Variants in SDK1 observed in about 807,000 individuals in gnomAD.
SDK1 encodes sidekick cell adhesion molecule 1.
In SDK1, 157 loss-of-function variants were observed where a neutral mutation model predicts 245.5. The observed-to-expected ratio is 0.64, with a 90% CI of 0.56 to 0.73. SDK1 has a LOEUF of 0.73. Ranked by LOEUF, SDK1 falls within the 30% of genes least tolerant of loss-of-function variation. The pLI, the probability that SDK1 is intolerant of heterozygous loss-of-function variation, is 0.00. For synonymous variants in SDK1, 1,647 were observed against 1,278.5 expected, an observed-to-expected ratio of 1.29 and a Z score of -6.15; for missense variants, 3,583 against 3,002.3, an observed-to-expected ratio of 1.19 and a Z score of -4.52.
chr7:3,591,418 C>T (rs937384737), intron 1 of SDK1, among the ~76,000 whole-genome samples: 2 of 152,250 alleles, frequency 1.3e-5, no homozygotes, highest in East Asian at 3.8e-4. Flanking sequence ...GGGAGACCTT[C>T]CCATTATTAA....
chr7:4,063,205 A>G (rs568611378), intron 19 of SDK1, among the ~76,000 whole-genome samples: 2 of 152,190 alleles, frequency 1.3e-5, no homozygotes, highest in Non-Finnish European at 2.9e-5. Flanking sequence ...AAACAAACCT[A>G]GACTCCACCA....
rs975226020 is a variant in SDK1, at chr7:4,187,381, A to T, written c.5098+8795A>T. Among the ~76,000 whole-genome samples the T allele has an allele frequency of 2.0e-5, 3 of 152,224 alleles. No individual in the cohort carries two copies. The South Asian group carries it at 6.2e-4, about 31-fold the overall frequency. On this transcript the variant is annotated intron_variant, in intron 35 of 44. Transcript: ENST00000404826. The stretch of plus-strand genomic sequence containing the variant: ...CAACGTCTCCAATGCCTGCCTTGGG[A>T]TAAAACGCTAGAAGCAGAACTTCTG...
intron 4 of SDK1, among the ~76,000 whole-genome samples, chr7:3,645,485 G>A (rs996168208): frequency 2.6e-5 from 4 of 152,064 alleles, no homozygotes; most frequent in East Asian, 1.9e-4. Flanking sequence ...TTTATACATC[G>A]TCCAAAGACA....
intron 1 of SDK1, among the ~76,000 whole-genome samples, chr7:3,583,554 A>G (rs1213754398): frequency 1.3e-5 from 2 of 152,198 alleles, no homozygotes; most frequent in Non-Finnish European, 2.9e-5. Flanking sequence ...TTTCTTTATC[A>G]TTCACTGAGT....
chr7:3,451,145 G>C (rs906591603), intron 1 of SDK1, among the ~76,000 whole-genome samples: 1 of 152,114 alleles, frequency 6.6e-6, no homozygotes, highest in African/African-American at 2.4e-5. Context: ...AGGGCTGAGC[G>C]AGGGTGTGGG....
intron 14 of SDK1, among the ~76,000 whole-genome samples, chr7:3,992,369 G>A (rs1784393405): frequency 6.6e-6 from 1 of 152,196 alleles, no homozygotes; most frequent in African/African-American, 2.4e-5. Flanking sequence ...TGGTTCTCCT[G>A]TCCCAGGTGC....
chr7:3,613,924 G>T (rs71527454), intron 1 of SDK1, among the ~76,000 whole-genome samples: 1,920 of 152,286 alleles, frequency 0.013, 26 homozygotes, highest in Middle Eastern at 0.02. Context: ...GGTAAATGAT[G>T]AGAACACATG....
At chr7:3,528,029 G>A (rs1404579612) in intron 1 of SDK1, among the ~76,000 whole-genome samples, 2 of 150,474 alleles carry the variant, frequency 1.3e-5, no homozygotes, top group Admixed American at 1.3e-4. Context: ...AGTAATGTTG[G>A]ATGATAGTCA....
chr7:3,588,320 ATATT>A (rs1324403675), intron 1 of SDK1, among the ~76,000 whole-genome samples: 4 of 152,162 alleles, frequency 2.6e-5, no homozygotes, highest in East Asian at 1.9e-4. Flanking sequence ...TAGTCTGCAG[ATATT>A]TATTAAGTTT....
intron 35 of SDK1, among the ~76,000 whole-genome samples, chr7:4,182,341 C>G (rs191666722): frequency 1.2e-3 from 179 of 152,308 alleles, no homozygotes; most frequent in African/African-American, 4.2e-3. Flanking sequence ...GGGCTGCCTT[C>G]TCTCTAATGC....
At chr7:3,965,485 GT>G (rs1372715174) in intron 9 of SDK1, among the ~76,000 whole-genome samples, 1 of 152,130 alleles carries the variant, frequency 6.6e-6, no homozygotes, top group African/African-American at 2.4e-5. Flanking sequence ...GTAGTAGGAG[GT>G]TTTTTGCAAA....
chr7:3,849,893 G>A (rs975828068), intron 5 of SDK1, among the ~76,000 whole-genome samples: 1 of 152,226 alleles, frequency 6.6e-6, no homozygotes, highest in Non-Finnish European at 1.5e-5. Context: ...TATGAAGGCA[G>A]TGCTTGGCCT....
chr7:4,059,870 T>C (rs1418858600), intron 19 of SDK1, among the ~76,000 whole-genome samples: 1 of 151,596 alleles, frequency 6.6e-6, no homozygotes, highest in Non-Finnish European at 1.5e-5. Context: ...AAGGAGGAAA[T>C]TTAAAAATTT....
At chr7:3,744,238 TC>T (rs970265177) in intron 4 of SDK1, among the ~76,000 whole-genome samples, 1 of 151,000 alleles carries the variant, frequency 6.6e-6, no homozygotes, top group East Asian at 2.0e-4. Flanking sequence ...ATAGCCCCCC[TC>T]CCCCCATCTC....
intron 1 of SDK1, among the ~76,000 whole-genome samples, chr7:3,305,951 A>G (rs542325569): frequency 6.6e-6 from 1 of 152,314 alleles, no homozygotes; most frequent in East Asian, 1.9e-4. Flanking sequence ...GATGTTAACT[A>G]ACTTTCCTGA....
intron 28 of SDK1, among the ~76,000 whole-genome samples, chr7:4,142,446 A>G (rs1779640475): frequency 6.6e-6 from 1 of 152,130 alleles, no homozygotes; most frequent in Non-Finnish European, 1.5e-5. Flanking sequence ...CTCCTGCCTC[A>G]GCCTCCTGAG....
At chr7:4,192,774 C>T (rs1382505376) in intron 35 of SDK1, among the ~76,000 whole-genome samples, 1 of 151,968 alleles carries the variant, frequency 6.6e-6, no homozygotes, top group Admixed American at 6.6e-5. Context: ...CACTCCTGCA[C>T]TCGCCACCAG....
intron 1 of SDK1, among the ~76,000 whole-genome samples, chr7:3,490,105 T>G (rs1213247581): frequency 6.6e-6 from 1 of 152,218 alleles, no homozygotes; most frequent in East Asian, 1.9e-4. Flanking sequence ...TAGGTACCAA[T>G]TAAGTGAAAA....
intron 37 of SDK1, among the ~76,000 whole-genome samples, chr7:4,209,608 A>T (rs1380204553): frequency 1.3e-5 from 2 of 152,054 alleles, no homozygotes; most frequent in Admixed American, 6.5e-5. Context: ...TCTGAGGGAG[A>T]GGCGAGGAGG....
Sources: allele counts gnomAD v4.1 joint callset (sites outside exome capture counted in the v4.1 genomes callset), GRCh38; gene constraint gnomAD v4.1.1; transcripts MANE v1.5; gene names NCBI Gene and HGNC (gene_info 2026-07-23, HGNC 2026-07-21).